The following ALDOB variants were observed in gnomAD, a reference collection of about 807,000 sequenced individuals.
The protein encoded by ALDOB is fructose-bisphosphate aldolase B.
Under a neutral mutation model 41.0 loss-of-function variants are expected in ALDOB, and 39 were observed. That is an observed-to-expected ratio of 0.95 (90% CI 0.74 to 1.24). The LOEUF is 1.24. Ranked by LOEUF, ALDOB falls within the 50% of genes most tolerant of loss-of-function variation. The pLI is 0.00. For missense variants in ALDOB, 530 were observed against 457.3 expected (o/e 1.16, Z -1.45); for synonymous variants, 175 against 168.8 (o/e 1.04, Z -0.28).
intron 1 of ALDOB, among the ~76,000 whole-genome samples, chr9:101,435,255 C>G (rs1384389636): frequency 1.3e-5 from 2 of 152,054 alleles, no homozygotes; most frequent in Non-Finnish European, 2.9e-5. Context: ...GTGTCGGTAC[C>G]AGTAGGTGTG....
chr9:101,421,726 G>T lies in ALDOB; in HGVS notation c.*83C>A. ...CCAGCAGTTCAAATCTAATTGTGTC[G>T]AATTTCCAGGATTGGAGGAAAAGTT... On this transcript the variant is annotated 3_prime_UTR_variant, in exon 9 of 9. Transcript: ENST00000647789. The T allele has an allele frequency of 9.2e-7, 1 of 1,086,778 alleles. No homozygotes were observed. The highest frequency in any genetic ancestry group is 1.4e-6 in the Non-Finnish European group (1 of 708,414). 67.3% of individuals were successfully genotyped at this position (1,086,778 alleles called of 1,614,324 possible).
intron 1 of ALDOB, 74 bp from the exon 2 acceptor site, chr9:101,430,971 G>T: frequency 9.8e-7 from 1 of 1,016,350 alleles, no homozygotes; most frequent in East Asian, 2.4e-5. Flanking sequence ...AGACAGTTGG[G>T]GGTGCAGACA....
chr9:101,434,125 G>T lies in ALDOB; in HGVS notation c.-11+1584C>A, dbSNP rs140478142. Among the ~76,000 whole-genome samples, 36 of 152,258 alleles carry T rather than the reference G, an allele frequency of 2.4e-4. 1 individual carries two copies. The East Asian group carries it at 6.6e-3, about 28-fold the overall frequency. ...GCACTTTATTACATATGTGTAACAA[G>T]TAATATGTATATAAATCTGGAGGAA... On this transcript the variant is annotated intron_variant, in intron 1 of 8. Transcript: ENST00000647789.
rs748868239 is a variant in ALDOB at position 101,428,456 on chromosome 9, G to A, written c.379+13C>T. ...ACACTGGCATGATTCATCTCAGTGGGCAATATCCTTACCTTGAATGGTGGT... is the reference window on the plus strand; with the variant it reads ...ACACTGGCATGATTCATCTCAGTGGACAATATCCTTACCTTGAATGGTGGT... On this transcript the variant is annotated intron_variant, in intron 4 of 8. Coordinates refer to ENST00000647789, the MANE Select transcript of ALDOB (RefSeq NM_000035.4). 6.2e-7 allele frequency: 1 copy of A among 1,611,648 alleles called. No individual in the cohort carries two copies. Among genetic ancestry groups the A allele is most frequent in the Non-Finnish European group, 8.5e-7 (1 of 1,177,826 alleles).
At chr9:101,426,462 T>A in intron 6 of ALDOB, 93 bp downstream of exon 6, 1 of 833,642 alleles carries the variant, frequency 1.2e-6, no homozygotes. Flanking sequence ...AAAGGCTACT[T>A]CAGATATAAC....
intron 8 of ALDOB, 65 bp from the exon 9 acceptor site, chr9:101,421,969 G>A (rs970557120): frequency 5.2e-6 from 7 of 1,348,566 alleles, no homozygotes; most frequent in African/African-American, 1.4e-5. Flanking sequence ...GACCCTGTCT[G>A]CCTCTCATGG....
At chr9:101,421,962 C>A in intron 8 of ALDOB, 58 bp from the exon 9 acceptor site, 4 of 1,418,406 alleles carry the variant, frequency 2.8e-6, no homozygotes, top group Non-Finnish European at 4.0e-6. Context: ...CCACCTTGAC[C>A]CTGTCTGCCT....
Position 101,425,518 on chromosome 9 carries a change from G to A in ALDOB, c.734C>T (p.Thr245Ile). Reference sequence around the variant, plus strand: ...GGTGGCCATAGCTACTTGTTCTGGAGTATACTTCTTGGTGCAGGCATGTCC... The same window carrying A: ...GGTGGCCATAGCTACTTGTTCTGGAATATACTTCTTGGTGCAGGCATGTCC... ...TAGHACTKKY[T>I]PEQVAMATVT... Residue 245 changes from threonine to isoleucine, a missense_variant, in exon 7 of 9, where the codon ACT becomes ATT. Physicochemically the swap from Thr to Ile is moderately conservative, Grantham distance 89. Coordinates refer to ENST00000647789, the MANE Select transcript of ALDOB (RefSeq NM_000035.4). 1 of 1,614,168 alleles carries A rather than the reference G, an allele frequency of 6.2e-7. No individual in the cohort carries two copies. Among genetic ancestry groups the A allele is most frequent in the Non-Finnish European group, 8.5e-7 (1 of 1,180,034 alleles).
chr9:101,435,422 G>C (rs1665797615), intron 1 of ALDOB, among the ~76,000 whole-genome samples: 1 of 152,176 alleles, frequency 6.6e-6, no homozygotes, highest in African/African-American at 2.4e-5. Flanking sequence ...GTTTTTCCTA[G>C]ATCAGAGACT....
At chr9:101,430,478 T>C (rs541376946) in intron 2 of ALDOB, among the ~76,000 whole-genome samples, 2 of 152,312 alleles carry the variant, frequency 1.3e-5, no homozygotes, top group Admixed American at 1.3e-4. Context: ...GACTTCTCAC[T>C]AGTAGCAGAT....
Position 101,430,811 on chromosome 9 carries a change from T to A in ALDOB, c.77A>T (p.Asn26Ile), listed in dbSNP as rs186949752. 8.1e-6 allele frequency: 13 copies of A among 1,614,152 alleles called. No individual in the cohort carries two copies. The highest frequency in any genetic ancestry group is 1.1e-5 in the Non-Finnish European group (13 of 1,179,970). Reference sequence around the variant, plus strand: ...ATCTGCAGCCAGGATCCCCTTTCCATTGGCAACAATGCTCTGGGCAATTTC... The same window carrying A: ...ATCTGCAGCCAGGATCCCCTTTCCAATGGCAACAATGCTCTGGGCAATTTC... Reference protein sequence around the residue: ...LSEIAQSIVANGKGILAADES... With the variant: ...LSEIAQSIVAIGKGILAADES... Residue 26 changes from asparagine to isoleucine, a missense_variant, in exon 2 of 9, where the codon AAT becomes ATT. Transcript: ENST00000647789.
chr9:101,421,447 T>G lies in ALDOB; in HGVS notation c.*362A>C, dbSNP rs1042042177. 1 of 358,670 alleles carries G rather than the reference T, an allele frequency of 2.8e-6. No homozygotes were observed. Among genetic ancestry groups the G allele is most frequent in the African/African-American group, 2.1e-5 (1 of 47,412 alleles). 22.2% of individuals were successfully genotyped at this position (358,670 alleles called of 1,614,324 possible). On this transcript the variant is annotated 3_prime_UTR_variant, in exon 9 of 9. Transcript: ENST00000647789. ...CTTCCCAACCTACCACTGCTAAGAC[T>G]GTTTCATAAGATGCACTTCTCTACA...
chr9:101,425,451 A>G lies in ALDOB; in HGVS notation c.799+2T>C. 6.2e-7 allele frequency: 1 copy of G among 1,614,172 alleles called. No individual in the cohort carries two copies. Among genetic ancestry groups the G allele is most frequent in the South Asian group, 1.1e-5 (1 of 91,080 alleles). The stretch of plus-strand genomic sequence containing the variant: ...TGAGTTAGAGAAGAAAGAAGGCCTT[A>G]CCAGGAACAGCTGCAGGAACAGTAC... On this transcript the variant is annotated splice_donor_variant, in intron 7 of 8. Coordinates refer to ENST00000647789, the MANE Select transcript of ALDOB (RefSeq NM_000035.4). LOFTEE classifies it high-confidence loss of function.
In ALDOB at chr9:101,431,698, G is replaced by A. The variant is rs922663820; in HGVS notation, c.-10-801C>T. On this transcript the variant is annotated intron_variant, in intron 1 of 8. Coordinates refer to ENST00000647789, the MANE Select transcript of ALDOB (RefSeq NM_000035.4). ...TGCCCCTGTTCGGATGCCACTTTGGGTTAATCTTGAAAATGCAAGCTCAAA... is the reference window on the plus strand; with the variant it reads ...TGCCCCTGTTCGGATGCCACTTTGGATTAATCTTGAAAATGCAAGCTCAAA... 2.2e-4 allele frequency among the ~76,000 whole-genome samples: 34 copies of A among 152,180 alleles called. 1 individual carries two copies. Among genetic ancestry groups the A allele is most frequent in the Non-Finnish European group, 1.6e-4 (11 of 68,038 alleles).
chr9:101,435,290 A>C (rs962137246), intron 1 of ALDOB, among the ~76,000 whole-genome samples: 2 of 152,206 alleles, frequency 1.3e-5, no homozygotes, highest in African/African-American at 2.4e-5. Context: ...AAAATGACAT[A>C]AGGCAGTAGA....
In ALDOB at chr9:101,430,829, G is replaced by A. The variant is rs763957973; in HGVS notation, c.59C>T (p.Ala20Val). ...QEQKKELSEI[A>V]QSIVANGKGI... Reference sequence around the variant, plus strand: ...CTTTCCATTGGCAACAATGCTCTGGGCAATTTCTGAGAGCTCCTTCTTCTG... The same window carrying A: ...CTTTCCATTGGCAACAATGCTCTGGACAATTTCTGAGAGCTCCTTCTTCTG... Residue 20 changes from alanine to valine, a missense_variant, in exon 2 of 9, where the codon GCC becomes GTC. Transcript: ENST00000647789. The A allele has an allele frequency of 3.1e-6, 5 of 1,614,036 alleles. No homozygotes were observed. The African/African-American group carries it at 6.7e-5, about 22-fold the overall frequency.
intron 1 of ALDOB, among the ~76,000 whole-genome samples, chr9:101,431,671 G>A (rs1348007582): frequency 3.3e-5 from 5 of 152,190 alleles, no homozygotes; most frequent in African/African-American, 4.8e-5. Flanking sequence ...GAAGGAGATC[G>A]TTGCCCCTGT....
chr9:101,426,299 G>A (rs1411032343), intron 6 of ALDOB, among the ~76,000 whole-genome samples: 3 of 152,162 alleles, frequency 2.0e-5, no homozygotes, highest in Non-Finnish European at 4.4e-5. Flanking sequence ...GAGATAATAT[G>A]ACTTGCCCAA....
At chr9:101,433,865 G>T (rs1167215500) in intron 1 of ALDOB, among the ~76,000 whole-genome samples, 1 of 151,956 alleles carries the variant, frequency 6.6e-6, no homozygotes, top group Non-Finnish European at 1.5e-5. Flanking sequence ...GTCCTCCTGG[G>T]CTCAAGTGAT....
Sources: allele counts gnomAD v4.1 joint callset (sites outside exome capture counted in the v4.1 genomes callset), GRCh38; gene constraint gnomAD v4.1.1; transcripts MANE v1.5; gene names NCBI Gene and HGNC (gene_info 2026-07-23, HGNC 2026-07-21).